The following RASSF9 variants were observed in gnomAD, a reference collection of about 807,000 sequenced individuals.
RASSF9 encodes the protein Ras association domain family member 9, also known as ras association domain-containing protein 9.
In RASSF9, 18 loss-of-function variants were observed where a neutral mutation model predicts 21.4. The ratio of observed to expected loss-of-function variants is 0.84; its 90% CI spans 0.58 to 1.25. The LOEUF is 1.25. Among genes scored for constraint, RASSF9 ranks in the 50% most tolerant of loss-of-function variants. The pLI is 0.00. For missense variants in RASSF9, 480 were observed against 503.2 expected (o/e 0.95, Z 0.44); for synonymous variants, 183 against 179.1 (o/e 1.02, Z -0.18).
intron 1 of RASSF9, among the ~76,000 whole-genome samples, chr12:85,826,966 A>T (rs527247239): frequency 2.0e-5 from 3 of 152,072 alleles, no homozygotes; most frequent in African/African-American, 7.2e-5. Flanking sequence ...CTTTACCTAC[A>T]ATATTCTTTT....
At chr12:85,819,391 T>C (rs1880158925) in intron 1 of RASSF9, among the ~76,000 whole-genome samples, 1 of 152,110 alleles carries the variant, frequency 6.6e-6, no homozygotes, top group Non-Finnish European at 1.5e-5. Flanking sequence ...ATTAGCAAAA[T>C]ATGGATTTTA....
At chr12:85,826,620 T>A (rs1210237175) in intron 1 of RASSF9, among the ~76,000 whole-genome samples, 7,345 of 151,764 alleles carry the variant, frequency 0.048, 374 homozygotes, top group African/African-American at 0.13. Flanking sequence ...GCTAATTTTT[T>A]GTATTTTTAG....
chr12:85,806,672 C>CAAAAAAAAAAAAAA, intron 1 of RASSF9, among the ~76,000 whole-genome samples: 2 of 54,822 alleles, frequency 3.6e-5, no homozygotes, highest in Admixed American at 2.7e-4. Context: ...GACTCCATCT[C>CAAAAAAAAAAAAAA]AAAAAAAAAA....
intron 1 of RASSF9, among the ~76,000 whole-genome samples, chr12:85,834,507 C>T (rs1278319407): frequency 1.3e-5 from 2 of 151,988 alleles, no homozygotes; most frequent in African/African-American, 4.8e-5. Context: ...TTGAAGAATG[C>T]ACTTCCCTGA....
chr12:85,824,581 T>A (rs1315340143), intron 1 of RASSF9, among the ~76,000 whole-genome samples: 1 of 152,230 alleles, frequency 6.6e-6, no homozygotes, highest in Non-Finnish European at 1.5e-5. Flanking sequence ...CTTTAAACTA[T>A]TTCTAAGTCC....
intron 1 of RASSF9, among the ~76,000 whole-genome samples, chr12:85,826,455 T>G (rs1880335122): frequency 6.6e-6 from 1 of 151,380 alleles, no homozygotes; most frequent in South Asian, 2.1e-4. Flanking sequence ...ATATTTTTTT[T>G]TTTTTTTTTT....
chr12:85,827,694 T>C (rs1880361922), intron 1 of RASSF9, among the ~76,000 whole-genome samples: 2 of 152,200 alleles, frequency 1.3e-5, no homozygotes, highest in Admixed American at 1.3e-4. Context: ...TCAGTTACTT[T>C]ATACCTTCTG....
Position 85,804,900 on chromosome 12 carries a change from G to A in RASSF9, c.1110C>T (p.Ser370=), listed in dbSNP as rs1879783178. The change falls in exon 2 of 2, where the codon AGC becomes AGT. Residue 370 remains serine, a synonymous_variant. Transcript: ENST00000361228. ...LAKEFNSLHI[S]NKDGCQLKEN... ...CCTTTAACTGGCACCCATCTTTGTT[G>A]CTAATGTGAAGTGAATTGAATTCCT... 3 of 1,613,670 alleles carry A rather than the reference G, an allele frequency of 1.9e-6. No individual in the cohort carries two copies. Among genetic ancestry groups the A allele is most frequent in the Non-Finnish European group, 2.5e-6 (3 of 1,179,644 alleles).
At position 85,823,295 on chromosome 12, in the gene RASSF9, A is replaced by G; in HGVS notation, c.47+12860T>C. Among the ~76,000 whole-genome samples the G allele has an allele frequency of 1.3e-5, 2 of 152,044 alleles. 1 individual carries two copies. Among genetic ancestry groups the G allele is most frequent in the East Asian group, 3.9e-4 (2 of 5,178 alleles). ...CAGAAATCTCTTAACTGCCACACCC[A>G]ATAGCCACTTGCAGAACTGATCTGA... On this transcript the variant is annotated intron_variant, in intron 1 of 1. Transcript: ENST00000361228.
chr12:85,808,771 C>G (rs1347499011), intron 1 of RASSF9, among the ~76,000 whole-genome samples: 2 of 151,872 alleles, frequency 1.3e-5, no homozygotes, highest in Admixed American at 1.3e-4. Context: ...ATTCTATGTA[C>G]TTATTGCATG....
At chr12:85,822,835 C>A (rs1306425186) in intron 1 of RASSF9, among the ~76,000 whole-genome samples, 1 of 152,146 alleles carries the variant, frequency 6.6e-6, no homozygotes, top group Non-Finnish European at 1.5e-5. Flanking sequence ...CTTTCCTTCA[C>A]ACACCAAATA....
intron 1 of RASSF9, among the ~76,000 whole-genome samples, chr12:85,835,879 CA>C (rs1880548957): frequency 6.6e-6 from 1 of 152,074 alleles, no homozygotes; most frequent in Non-Finnish European, 1.5e-5. Flanking sequence ...CAGGACTGGT[CA>C]AAAGGGGAGA....
chr12:85,808,212 G>T (rs1435144835), intron 1 of RASSF9, among the ~76,000 whole-genome samples: 2 of 151,954 alleles, frequency 1.3e-5, no homozygotes, highest in African/African-American at 4.8e-5. Context: ...AAGTAAAAAA[G>T]TTATTACTAA....
intron 1 of RASSF9, among the ~76,000 whole-genome samples, chr12:85,826,510 C>A (rs1483147033): frequency 6.7e-6 from 1 of 149,594 alleles, no homozygotes; most frequent in African/African-American, 2.5e-5. Context: ...TGCAGTGGCA[C>A]GATTTCGGTT....
chr12:85,819,969 T>C (rs1328591526), intron 1 of RASSF9, among the ~76,000 whole-genome samples: 3 of 152,200 alleles, frequency 2.0e-5, no homozygotes, highest in Non-Finnish European at 2.9e-5. Flanking sequence ...TTTAGACTTG[T>C]TCATTATTCA....
intron 1 of RASSF9, among the ~76,000 whole-genome samples, chr12:85,819,671 A>G (rs1453970504): frequency 1.3e-5 from 2 of 152,116 alleles, no homozygotes; most frequent in African/African-American, 4.8e-5. Context: ...CCCAAATCAC[A>G]AGTTTGTGAT....
chr12:85,830,311 T>C (rs928914880), intron 1 of RASSF9, among the ~76,000 whole-genome samples: 6 of 152,128 alleles, frequency 3.9e-5, no homozygotes, highest in African/African-American at 1.4e-4. Context: ...CATGGCCCTT[T>C]ACCACTTGAA....
chr12:85,814,909 T>C (rs1037417425), intron 1 of RASSF9, among the ~76,000 whole-genome samples: 1 of 152,040 alleles, frequency 6.6e-6, no homozygotes, highest in African/African-American at 2.4e-5. Context: ...GTGGATGACA[T>C]GACATACTCA....
chr12:85,835,124 G>T (rs1265019083), intron 1 of RASSF9, among the ~76,000 whole-genome samples: 1 of 152,030 alleles, frequency 6.6e-6, no homozygotes, highest in Non-Finnish European at 1.5e-5. Context: ...CTTTAAAGTT[G>T]TATTACTCTA....
Sources: allele counts gnomAD v4.1 joint callset (sites outside exome capture counted in the v4.1 genomes callset), GRCh38; gene constraint gnomAD v4.1.1; transcripts MANE v1.5; gene names NCBI Gene and HGNC (gene_info 2026-07-23, HGNC 2026-07-21).